BMAL1: variants seen among roughly 807,000 people sequenced by gnomAD.
BMAL1 encodes the protein basic helix-loop-helix ARNT-like protein 1.
the BMAL1 span, among the ~76,000 whole-genome samples, chr11:13,332,305 A>T: frequency 6.6e-6 from 1 of 152,212 alleles, no homozygotes; most frequent in African/African-American, 2.4e-5. Flanking sequence ...AGGTGTTGTC[A>T]GATAGCAAAC....
At chr11:13,379,943 C>T in the BMAL1 span, 1 of 152,188 alleles carries the variant, frequency 6.6e-6, no homozygotes, top group African/African-American at 2.4e-5. Flanking sequence ...TCTTGTGTTA[C>T]GCTTTGTGGA....
the BMAL1 span, among the ~76,000 whole-genome samples, chr11:13,382,206 A>C: frequency 6.6e-6 from 1 of 152,172 alleles, no homozygotes; most frequent in African/African-American, 2.4e-5. Context: ...TTTATACAGG[A>C]ATCTTCTGCA....
chr11:13,293,638 C>T, the BMAL1 span, among the ~76,000 whole-genome samples: 3 of 152,374 alleles, frequency 2.0e-5, no homozygotes, highest in Admixed American at 6.5e-5. Context: ...AAAGGTTCTG[C>T]TCTCCACTGG....
the BMAL1 span, among the ~76,000 whole-genome samples, chr11:13,342,253 C>T: frequency 2.0e-5 from 3 of 152,242 alleles, no homozygotes; most frequent in South Asian, 2.1e-4. Context: ...CCAGTGAGCA[C>T]GCACTGGGCA....
chr11:13,368,799 A>G, the BMAL1 span, among the ~76,000 whole-genome samples: 1 of 152,242 alleles, frequency 6.6e-6, no homozygotes, highest in African/African-American at 2.4e-5. Context: ...AACATAATGC[A>G]AACCACAAAC....
the BMAL1 span, chr11:13,354,698 A>G: frequency 2.2e-6 from 1 of 462,558 alleles, no homozygotes; most frequent in Non-Finnish European, 3.9e-6. Context: ...CCAGAGAAAA[A>G]GAACAGCCTT....
chr11:13,311,975 T>G, the BMAL1 span, among the ~76,000 whole-genome samples: 1 of 152,202 alleles, frequency 6.6e-6, no homozygotes, highest in Non-Finnish European at 1.5e-5. Flanking sequence ...ATTCCTCCAG[T>G]CATGATTTAA....
At chr11:13,348,537 A>G in the BMAL1 span, among the ~76,000 whole-genome samples, 3 of 151,630 alleles carry the variant, frequency 2.0e-5, no homozygotes, top group Non-Finnish European at 4.4e-5. Flanking sequence ...GTGTGGGAGG[A>G]AGAGAGGAAG....
chr11:13,295,081 G>A, the BMAL1 span, among the ~76,000 whole-genome samples: 5 of 152,090 alleles, frequency 3.3e-5, no homozygotes, highest in African/African-American at 4.8e-5. Context: ...AGCTTCCCTG[G>A]GGGAAGGCAC....
At chr11:13,286,364 G>A in the BMAL1 span, among the ~76,000 whole-genome samples, 1 of 152,222 alleles carries the variant, frequency 6.6e-6, no homozygotes, top group Non-Finnish European at 1.5e-5. Flanking sequence ...AGACAGTAGT[G>A]CAGAGAGTGG....
the BMAL1 span, among the ~76,000 whole-genome samples, chr11:13,287,322 T>G: frequency 6.6e-6 from 1 of 152,142 alleles, no homozygotes; most frequent in Non-Finnish European, 1.5e-5. Flanking sequence ...TTGTGAATGG[T>G]GTGTTCCTTT....
At chr11:13,386,522 C>T in the BMAL1 span, 2 of 1,385,352 alleles carry the variant, frequency 1.4e-6, no homozygotes, top group Non-Finnish European at 1.9e-6. Context: ...TAAAAATGTG[C>T]TTAGGAATTG....
At chr11:13,297,474 C>T in the BMAL1 span, among the ~76,000 whole-genome samples, 1 of 152,224 alleles carries the variant, frequency 6.6e-6, no homozygotes, top group African/African-American at 2.4e-5. Flanking sequence ...GACAAGAGCG[C>T]AGCAGGGAGA....
At chr11:13,365,419 C>T in the BMAL1 span, 10 of 1,275,812 alleles carry the variant, frequency 7.8e-6, no homozygotes, top group South Asian at 9.0e-5. Context: ...TTAGAAAGCA[C>T]ATCCTCTATT....
the BMAL1 span, chr11:13,372,088 C>T: frequency 3.8e-6 from 6 of 1,578,426 alleles, no homozygotes; most frequent in Non-Finnish European, 4.3e-6. Flanking sequence ...ACCTACATCC[C>T]ATCCCACCAT....
chr11:13,319,067 C>A, the BMAL1 span, among the ~76,000 whole-genome samples: 1 of 152,174 alleles, frequency 6.6e-6, no homozygotes, highest in Non-Finnish European at 1.5e-5. Context: ...GACATAGATA[C>A]TTTCCCTTTT....
At chr11:13,354,097 T>TGG in the BMAL1 span, among the ~76,000 whole-genome samples, 1 of 152,118 alleles carries the variant, frequency 6.6e-6, no homozygotes, top group African/African-American at 2.4e-5. Context: ...ACTCTTAAAA[T>TGG]AAATATGATG....
At chr11:13,378,294 C>T in the BMAL1 span, 14 of 1,538,526 alleles carry the variant, frequency 9.1e-6, no homozygotes, top group Non-Finnish European at 1.0e-5. Flanking sequence ...AGTATTTCTT[C>T]CTCAGTTTTC....
chr11:13,366,707 A>C, the BMAL1 span: 1 of 1,614,096 alleles, frequency 6.2e-7, no homozygotes, highest in Non-Finnish European at 8.5e-7. Flanking sequence ...CCTGCATCCT[A>C]AAGATATTGC....
Sources: allele counts gnomAD v4.1 joint callset (sites outside exome capture counted in the v4.1 genomes callset), GRCh38; gene constraint gnomAD v4.1.1; transcripts MANE v1.5; gene names NCBI Gene and HGNC (gene_info 2026-07-23, HGNC 2026-07-21).